Variants in MAGI1 observed in about 807,000 individuals in gnomAD.
The protein encoded by MAGI1 is membrane-associated guanylate kinase, WW and PDZ domain-containing protein 1.
Under a neutral mutation model 139.9 loss-of-function variants are expected in MAGI1, and 58 were observed. The ratio of observed to expected loss-of-function variants is 0.41; its 90% CI spans 0.34 to 0.52. The LOEUF is 0.52. Among genes scored for constraint, MAGI1 ranks in the 20% least tolerant of loss-of-function variants. MAGI1 has a pLI of 0.12. For missense variants in MAGI1, 1,874 were observed against 1,901.6 expected, an observed-to-expected ratio of 0.99 and a Z score of 0.27; for synonymous variants, 812 against 737.9, an observed-to-expected ratio of 1.10 and a Z score of -1.63.
At chr3:65,867,587 T>C (rs1006703490) in intron 1 of MAGI1, among the ~76,000 whole-genome samples, 1 of 152,050 alleles carries the variant, frequency 6.6e-6, no homozygotes, top group African/African-American at 2.4e-5. Context: ...AATTAAAAAT[T>C]AGCCAGGTAT....
rs117326191 is a variant in MAGI1 at position 65,959,004 on chromosome 3, A to G, written c.313+78992T>C. Reference sequence around the variant, plus strand: ...TGTAACTCAAAAAAAAAAAACAACAAAAAAAACCACATTTTGCCCCTTGTC... The same window carrying G: ...TGTAACTCAAAAAAAAAAAACAACAGAAAAAACCACATTTTGCCCCTTGTC... On this transcript the variant is annotated intron_variant, in intron 1 of 22. Coordinates refer to ENST00000402939, the MANE Select transcript of MAGI1 (RefSeq NM_001033057.2). Among the ~76,000 whole-genome samples the G allele has an allele frequency of 1.0e-3, 156 of 152,114 alleles. 2 individuals carry two copies. The East Asian group carries it at 0.028, about 28-fold the overall frequency.
At chr3:65,852,717 G>T (rs2059245678) in intron 1 of MAGI1, among the ~76,000 whole-genome samples, 1 of 151,752 alleles carries the variant, frequency 6.6e-6, no homozygotes, top group Non-Finnish European at 1.5e-5. Flanking sequence ...TGGTCAGGCT[G>T]GTCTCGAACT....
intron 2 of MAGI1, among the ~76,000 whole-genome samples, chr3:65,586,039 C>T (rs1392931091): frequency 6.6e-6 from 1 of 152,044 alleles, no homozygotes; most frequent in African/African-American, 2.4e-5. Flanking sequence ...GAGACCCTGT[C>T]TGTACAAAAA....
intron 1 of MAGI1, among the ~76,000 whole-genome samples, chr3:66,005,790 TCCATGCATCTC>T (rs1175867162): frequency 2.0e-5 from 3 of 152,054 alleles, no homozygotes; most frequent in Non-Finnish European, 4.4e-5. Flanking sequence ...AAAGAGATCT[TCCATGCATCTC>T]CCATGGATCT....
rs540141714 is a variant in MAGI1, at chr3:65,547,181, A to G, written c.431-53550T>C. On this transcript the variant is annotated intron_variant, in intron 2 of 22. Coordinates refer to ENST00000402939, the MANE Select transcript of MAGI1 (RefSeq NM_001033057.2). ...TGTGTGCCAGGCTCTGTGCTGTTTT[A>G]AGCGCATCTCTTATGCAAAATAACT... 3.3e-5 allele frequency among the ~76,000 whole-genome samples: 5 copies of G among 152,336 alleles called. No homozygotes were observed. The East Asian group carries it at 7.7e-4, about 24-fold the overall frequency.
At chr3:65,533,054 T>C (rs1295382910) in intron 2 of MAGI1, among the ~76,000 whole-genome samples, 1 of 152,166 alleles carries the variant, frequency 6.6e-6, no homozygotes, top group East Asian at 1.9e-4. Context: ...GATAAACTTT[T>C]GGGGGGCATC....
intron 1 of MAGI1, among the ~76,000 whole-genome samples, chr3:65,693,143 C>T (rs979732793): frequency 1.3e-5 from 2 of 152,098 alleles, no homozygotes; most frequent in African/African-American, 2.4e-5. Flanking sequence ...TGGGGTCTCC[C>T]TGTGTTGCCC....
At chr3:65,775,973 T>C (rs2038387756) in intron 1 of MAGI1, among the ~76,000 whole-genome samples, 1 of 152,032 alleles carries the variant, frequency 6.6e-6, no homozygotes, top group African/African-American at 2.4e-5. Context: ...CTAATTATTC[T>C]TTGATGAATT....
intron 12 of MAGI1, among the ~76,000 whole-genome samples, chr3:65,417,396 A>T (rs575331125): frequency 3.2e-4 from 48 of 152,336 alleles, no homozygotes; most frequent in African/African-American, 1.1e-3. Flanking sequence ...AAGACTTTTC[A>T]AATGGGAAAC....
intron 1 of MAGI1, among the ~76,000 whole-genome samples, chr3:65,861,802 A>G (rs138595598): frequency 6.6e-6 from 1 of 152,282 alleles, no homozygotes; most frequent in East Asian, 1.9e-4. Flanking sequence ...TCCCGTCTAA[A>G]ATGTGGATCT....
Position 65,937,384 on chromosome 3 carries a change from G to A in MAGI1, c.313+100612C>T, listed in dbSNP as rs188593543. On this transcript the variant is annotated intron_variant, in intron 1 of 22. Coordinates refer to ENST00000402939, the MANE Select transcript of MAGI1 (RefSeq NM_001033057.2). Reference sequence around the variant, plus strand: ...ATGGCCGTGCTCAGTGTTCAGCTACGGAAATCCTCTCCTTCCCCAGCTGGC... The same window carrying A: ...ATGGCCGTGCTCAGTGTTCAGCTACAGAAATCCTCTCCTTCCCCAGCTGGC... Among the ~76,000 whole-genome samples the A allele has an allele frequency of 8.5e-5, 13 of 152,240 alleles. No homozygotes were observed. In the East Asian group the frequency reaches 2.5e-3, roughly 30 times the overall value.
rs942437057 is a variant in MAGI1 at position 65,947,099 on chromosome 3, T to A, written c.313+90897A>T. ...AGGCTTTTAGACACTGAATAACTTA[T>A]AAACAAATAACATCTCATCCTCATT... On this transcript the variant is annotated intron_variant, in intron 1 of 22. Transcript: ENST00000402939. 6.6e-5 allele frequency among the ~76,000 whole-genome samples: 10 copies of A among 152,188 alleles called. 1 individual carries two copies. The highest frequency in any genetic ancestry group is 6.6e-4 in the Admixed American group (10 of 15,264).
At chr3:65,532,117 T>C (rs138546182) in intron 2 of MAGI1, among the ~76,000 whole-genome samples, 1 of 152,178 alleles carries the variant, frequency 6.6e-6, no homozygotes, top group Non-Finnish European at 1.5e-5. Flanking sequence ...CTGTAATAGT[T>C]AGAGAAAACT....
intron 11 of MAGI1, among the ~76,000 whole-genome samples, chr3:65,430,432 G>T (rs1220959443): frequency 6.6e-6 from 1 of 151,822 alleles, no homozygotes; most frequent in Non-Finnish European, 1.5e-5. Context: ...ATTTAAATGG[G>T]GATCTACAGT....
At chr3:66,018,689 G>A (rs181831628) in intron 1 of MAGI1, among the ~76,000 whole-genome samples, 174 of 152,310 alleles carry the variant, frequency 1.1e-3, no homozygotes, top group African/African-American at 3.9e-3. Flanking sequence ...GACCCTCTTT[G>A]CAGCCTTCTG....
intron 2 of MAGI1, among the ~76,000 whole-genome samples, chr3:65,504,719 AC>A: frequency 6.6e-6 from 1 of 152,202 alleles, no homozygotes; most frequent in Non-Finnish European, 1.5e-5. Context: ...CTTCCCCACA[AC>A]CTCTTTGATC....
chr3:65,637,906 C>A (rs2084739261), intron 1 of MAGI1, among the ~76,000 whole-genome samples: 1 of 152,116 alleles, frequency 6.6e-6, no homozygotes, highest in Admixed American at 6.5e-5. Flanking sequence ...ATCCCCACCC[C>A]CCAAACCATG....
At position 65,361,305 on chromosome 3, in the gene MAGI1, C is replaced by T; in HGVS notation, c.3528G>A (p.Glu1176=). The change falls in exon 22 of 23, where the codon GAG becomes GAA. Residue 1176 remains glutamate (E), a synonymous_variant. Coordinates refer to ENST00000402939, the MANE Select transcript of MAGI1 (RefSeq NM_001033057.2). The part of the protein sequence containing the change: ...IGDEILEING[E]TTKNMKHSRA... ...GAGAATGCTTCATGTTTTTGGTGGT[C>T]TCACCATTGATCTCTAAAATTTCAT... 6.2e-7 allele frequency: 1 copy of T among 1,614,034 alleles called. No homozygotes were observed. Among genetic ancestry groups the T allele is most frequent in the South Asian group, 1.1e-5 (1 of 91,048 alleles).
intron 2 of MAGI1, among the ~76,000 whole-genome samples, chr3:65,563,040 A>G (rs539244459): frequency 3.3e-5 from 5 of 152,304 alleles, no homozygotes; most frequent in African/African-American, 1.2e-4. Context: ...TTGCAAACCA[A>G]TTTGAGTGCT....
Sources: allele counts gnomAD v4.1 joint callset (sites outside exome capture counted in the v4.1 genomes callset), GRCh38; gene constraint gnomAD v4.1.1; transcripts MANE v1.5; gene names NCBI Gene and HGNC (gene_info 2026-07-23, HGNC 2026-07-21).